NOC4L: variants seen among roughly 807,000 people sequenced by gnomAD.
NOC4L encodes nucleolar complex associated 4 homolog, also known as nucleolar complex protein 4 homolog.
In NOC4L, 40 loss-of-function variants were observed where a neutral mutation model predicts 62.8. That is an observed-to-expected ratio of 0.64 (90% CI 0.49 to 0.83). The LOEUF is 0.83. NOC4L is among the 40% of genes least tolerant of loss of function. NOC4L has a pLI of 0.00. For missense variants in NOC4L, 927 were observed against 701.9 expected (o/e 1.32, Z -3.62); for synonymous variants, 433 against 299.8 (o/e 1.44, Z -4.59).
chr12:132,150,706 C>T (rs1437814229), intron 9 of NOC4L: 4 of 345,966 alleles, frequency 1.2e-5, no homozygotes, highest in African/African-American at 5.5e-5. Flanking sequence ...TGAGTGCCGC[C>T]GCCTCGCTCA....
At chr12:132,148,041 C>G (rs1157638100) in intron 6 of NOC4L, 31 bp from the exon 7 acceptor site, 16 of 1,613,382 alleles carry the variant, frequency 9.9e-6, no homozygotes, top group Admixed American at 6.7e-5. Flanking sequence ...CCCTGCGGGT[C>G]AGGTGACCTT....
chr12:132,152,269 T>G lies in NOC4L; in HGVS notation c.1432-13T>G. On this transcript the variant is annotated splice_polypyrimidine_tract_variant and intron_variant, in intron 14 of 14. Coordinates refer to ENST00000330579, the MANE Select transcript of NOC4L (RefSeq NM_024078.3). ...AGCCAAGCCTGAGAGCCGCCGTGCT[T>G]TGTGCTTTGCAGATCTTTGAGCGGG... 2 of 1,579,272 alleles carry G rather than the reference T, an allele frequency of 1.3e-6. No individual in the cohort carries two copies. Among genetic ancestry groups the G allele is most frequent in the African/African-American group, 1.4e-5 (1 of 74,018 alleles).
Position 132,151,565 on chromosome 12 carries a change from C to G in NOC4L, c.1155C>G (p.Leu385=). The change falls in exon 12 of 15, where the codon CTC becomes CTG. Residue 385 remains leucine (L), a synonymous_variant. Coordinates refer to ENST00000330579, the MANE Select transcript of NOC4L (RefSeq NM_024078.3). ...LALTAPPEAL[L]MVLPFICNLL... Reference sequence around the variant, plus strand: ...TGACGGCTCCCCCTGAGGCCCTGCTCATGGTCCTGCCTTTCATCTGTAACC... The same window carrying G: ...TGACGGCTCCCCCTGAGGCCCTGCTGATGGTCCTGCCTTTCATCTGTAACC... 2 of 1,610,658 alleles carry G rather than the reference C, an allele frequency of 1.2e-6. No individual in the cohort carries two copies. Among genetic ancestry groups the G allele is most frequent in the Non-Finnish European group, 1.7e-6 (2 of 1,179,312 alleles).
In NOC4L at chr12:132,150,967, C is replaced by T. The variant is rs775589095; in HGVS notation, c.902-14C>T. Reference sequence around the variant, plus strand: ...AGGTCACTGCAGCTCCAGCCTGTGTCTGTCTGTCTGCAGGGGGGGCCCTCA... The same window carrying T: ...AGGTCACTGCAGCTCCAGCCTGTGTTTGTCTGTCTGCAGGGGGGGCCCTCA... On this transcript the variant is annotated splice_polypyrimidine_tract_variant and intron_variant, in intron 9 of 14. Coordinates refer to ENST00000330579, the MANE Select transcript of NOC4L (RefSeq NM_024078.3). 3.1e-6 allele frequency: 5 copies of T among 1,597,022 alleles called. No homozygotes were observed. The highest frequency in any genetic ancestry group is 2.2e-5 in the East Asian group (1 of 44,836).
In NOC4L at chr12:132,152,094, G is replaced by A. The variant is rs117349685; in HGVS notation, c.1328G>A (p.Arg443His). 2.1e-4 allele frequency: 326 copies of A among 1,587,936 alleles called. No homozygotes were observed. The East Asian group carries it at 2.6e-3, about 13-fold the overall frequency. Residue 443 changes from arginine (R) to histidine (H), a missense_variant, in exon 14 of 15, where the codon CGC becomes CAC. Transcript: ENST00000330579. ...SSLWELQALQ[R>H]HYHPEVSKAA... Reference sequence around the variant, plus strand: ...GCCCTACTGCCCCAGGCCCTCCAGCGCCACTACCACCCTGAGGTGTCCAAA... The same window carrying A: ...GCCCTACTGCCCCAGGCCCTCCAGCACCACTACCACCCTGAGGTGTCCAAA...
rs1392551954 is a variant in NOC4L, at chr12:132,151,644, G to C, written c.1234G>C (p.Glu412Gln). The C allele has an allele frequency of 6.2e-7, 1 of 1,611,656 alleles. No individual in the cohort carries two copies. Among genetic ancestry groups the C allele is most frequent in the Admixed American group, 1.7e-5 (1 of 59,964 alleles). ...RVLVHRPHGP[E>Q]LDADPYDPGE... is the part of the protein sequence containing the mutation. ...CCTCGTGCACCGTCCACACGGCCCT[G>C]GTGAGTTGCGGGGCCCTCGGAGGCT... is the stretch of plus-strand genomic sequence containing the variant. The change falls in exon 12 of 15, where the codon GAG (glutamate) becomes CAG (glutamine). Residue 412 changes from glutamate (E) to glutamine (Q), a missense_variant and splice_region_variant. Coordinates refer to ENST00000330579, the MANE Select transcript of NOC4L (RefSeq NM_024078.3).
At chr12:132,148,415 G>C (rs1262007105) in intron 7 of NOC4L, among the ~76,000 whole-genome samples, 194 bp from the exon 8 acceptor site, 1 of 152,210 alleles carries the variant, frequency 6.6e-6, no homozygotes, top group South Asian at 2.1e-4. Flanking sequence ...CTGCTTTCTT[G>C]GCTGTTCTGA....
chr12:132,147,177 C>CA, intron 3 of NOC4L, 104 bp from the exon 4 acceptor site: 3 of 870,164 alleles, frequency 3.4e-6, no homozygotes, highest in South Asian at 4.4e-5. Flanking sequence ...CCGCCCTTTT[C>CA]TCAGCTCTGG....
At chr12:132,145,780 A>G (rs2136685808) in intron 3 of NOC4L, 115 bp downstream of exon 3, 1 of 675,294 alleles carries the variant, frequency 1.5e-6, no homozygotes, top group Middle Eastern at 4.0e-4. Context: ...TGCTTCCTTC[A>G]TGGGAGCATC....
rs1189996474 is a variant in NOC4L, at chr12:132,151,360, GTCC to G, written c.1071_1073del (p.Ser358del). The G allele has an allele frequency of 3.1e-6, 5 of 1,609,390 alleles. No homozygotes were observed. Among genetic ancestry groups the G allele is most frequent in the African/African-American group, 1.3e-5 (1 of 74,924 alleles). ...TCTTCCACCTGGCTGACCTCTTCCT[GTCC>G]TCCTCGTGAGTACCAGGGCACCTGG... On this transcript the variant is annotated inframe_deletion, in exon 11 of 15. Coordinates refer to ENST00000330579, the MANE Select transcript of NOC4L (RefSeq NM_024078.3).
chr12:132,145,418 G>C, intron 2 of NOC4L, 141 bp from the exon 3 acceptor site: 1 of 600,174 alleles, frequency 1.7e-6, no homozygotes, highest in African/African-American at 1.9e-5. Context: ...GCACAGGTCT[G>C]GGGGCCTTAG....
chr12:132,146,704 A>T (rs1193123700), intron 3 of NOC4L, among the ~76,000 whole-genome samples: 1 of 152,162 alleles, frequency 6.6e-6, no homozygotes, highest in Non-Finnish European at 1.5e-5. Flanking sequence ...CCTTCTCAGA[A>T]AGAAATAATC....
At chr12:132,148,684 CG>C (rs1415340653) in intron 8 of NOC4L, 25 bp downstream of exon 8, 6 of 463,708 alleles carry the variant, frequency 1.3e-5, no homozygotes, top group Non-Finnish European at 1.5e-5. Context: ...GGGGAGGGGG[CG>C]GGGGCGGCAT....
rs773523476 is a variant in NOC4L, at chr12:132,151,546, C to T, written c.1136C>T (p.Ala379Val). The T allele has an allele frequency of 6.2e-6, 10 of 1,609,128 alleles. No homozygotes were observed. In the East Asian group the frequency reaches 2.2e-4, roughly 36 times the overall value. ...CGGCTGGCCCGCCTGGCCCTGACGG[C>T]TCCCCCTGAGGCCCTGCTCATGGTC... Reference protein sequence around the residue: ...AKRLARLALTAPPEALLMVLP... With the variant: ...AKRLARLALTVPPEALLMVLP... Residue 379 changes from alanine (A) to valine (V), a missense_variant, in exon 12 of 15, where the codon GCT becomes GTT. By Grantham distance (64) the Ala-to-Val change is moderately conservative (BLOSUM62 0). Transcript: ENST00000330579.
At chr12:132,151,855 G>A (rs11246948) in intron 13 of NOC4L, 35 bp downstream of exon 13, 429,431 of 1,593,226 alleles carry the variant, frequency 0.27, 58,628 homozygotes, top group East Asian at 0.3. Context: ...GGGGCCTCCC[G>A]AGCCATCCTT....
At chr12:132,144,634 G>A (rs906743279) in intron 1 of NOC4L, 29 bp downstream of exon 1, 33 of 1,477,834 alleles carry the variant, frequency 2.2e-5, no homozygotes, top group Non-Finnish European at 2.8e-5. Context: ...CAGGGCCGGA[G>A]TCGCGGCACG....
chr12:132,144,485 C>A lies in NOC4L; in HGVS notation c.-4C>A. On this transcript the variant is annotated 5_prime_UTR_variant, in exon 1 of 15. Transcript: ENST00000330579. Reference sequence around the variant, plus strand: ...AATCCGCGTTGTTCCGTGTTGGGGGCGGCATGGAGCGGGAGCCGGGCGCCG... The same window carrying A: ...AATCCGCGTTGTTCCGTGTTGGGGGAGGCATGGAGCGGGAGCCGGGCGCCG... 4.6e-6 allele frequency: 7 copies of A among 1,520,864 alleles called. No homozygotes were observed. The highest frequency in any genetic ancestry group is 6.1e-6 in the Non-Finnish European group (7 of 1,146,858). 94.2% of individuals were successfully genotyped at this position (1,520,864 alleles called of 1,614,324 possible). A position where few individuals can be genotyped will look rare whatever the true frequency, so the allele number is the denominator to read the frequency against.
rs779013901 is a variant in NOC4L at position 132,152,136 on chromosome 12, A to G, written c.1370A>G (p.Asn457Ser). Residue 457 changes from asparagine (N) to serine (S), a missense_variant, in exon 14 of 15, where the codon AAC (asparagine) becomes AGC (serine). Transcript: ENST00000330579. ...PEVSKAASVI[N>S]QALSMPEVSI... ...GTGTCCAAAGCCGCCAGCGTCATCAACCAGGCCCTGTCCATGCCTGAGGTC... is the reference window on the plus strand; with the variant it reads ...GTGTCCAAAGCCGCCAGCGTCATCAGCCAGGCCCTGTCCATGCCTGAGGTC... 12 of 1,612,262 alleles carry G rather than the reference A, an allele frequency of 7.4e-6. No individual in the cohort carries two copies. The highest frequency in any genetic ancestry group is 3.3e-5 in the Admixed American group (2 of 59,982).
intron 13 of NOC4L, 66 bp from the exon 14 acceptor site, chr12:132,152,018 G>A: frequency 2.1e-6 from 3 of 1,459,634 alleles, no homozygotes; most frequent in Non-Finnish European, 2.8e-6. Flanking sequence ...AGCACAGGGA[G>A]GCCATGGCTG....
Sources: gnomAD v4.1 joint callset for allele counts (sites outside exome capture counted in the v4.1 genomes callset) on GRCh38, gnomAD v4.1.1 for gene constraint, MANE v1.5 for transcripts, NCBI Gene and HGNC (gene_info 2026-07-23, HGNC 2026-07-21) for gene names.